SEMA3E: variants seen among roughly 807,000 people sequenced by gnomAD.
SEMA3E encodes semaphorin 3E.
SEMA3E carries 49 observed loss-of-function variants against 93.6 expected under a neutral mutation model. The ratio of observed to expected loss-of-function variants is 0.52; its 90% CI spans 0.42 to 0.66. The LOEUF is 0.66. Among genes scored for constraint, SEMA3E ranks in the 30% least tolerant of loss-of-function variants. The pLI, the probability that SEMA3E is intolerant of heterozygous loss-of-function variation, is 0.00. For missense variants in SEMA3E, 906 were observed against 964.8 expected (o/e 0.94, Z 0.81); for synonymous variants, 363 against 330.7 (o/e 1.10, Z -1.06).
At chr7:83,431,775 T>A (rs1357620879) in intron 4 of SEMA3E, among the ~76,000 whole-genome samples, 1 of 152,326 alleles carries the variant, frequency 6.6e-6, no homozygotes, top group African/African-American at 2.4e-5. Context: ...AATAACTATC[T>A]ATAATAAAGA....
intron 4 of SEMA3E, among the ~76,000 whole-genome samples, chr7:83,447,000 A>G (rs902992393): frequency 6.6e-6 from 1 of 152,146 alleles, no homozygotes; most frequent in African/African-American, 2.4e-5. Context: ...TTCACTATAT[A>G]CTATTTTGGA....
intron 2 of SEMA3E, among the ~76,000 whole-genome samples, chr7:83,481,394 C>T (rs529809312): frequency 2.6e-5 from 4 of 152,080 alleles, no homozygotes; most frequent in South Asian, 2.1e-4. Context: ...AACAAAAACA[C>T]GTTTTTTTTC....
chr7:83,503,324 A>G (rs917931281), intron 1 of SEMA3E, among the ~76,000 whole-genome samples: 1 of 152,228 alleles, frequency 6.6e-6, no homozygotes, highest in East Asian at 1.9e-4. Flanking sequence ...TTTATTTCCT[A>G]GGAAGTTTGT....
At chr7:83,547,747 A>G (rs577933419) in intron 1 of SEMA3E, among the ~76,000 whole-genome samples, 2 of 152,282 alleles carry the variant, frequency 1.3e-5, no homozygotes, top group African/African-American at 4.8e-5. Context: ...AAGCAAACAC[A>G]GGCCAAGGCA....
chr7:83,519,303 G>C (rs1198063118), intron 1 of SEMA3E, among the ~76,000 whole-genome samples: 2 of 152,038 alleles, frequency 1.3e-5, no homozygotes, highest in East Asian at 3.9e-4. Context: ...ACATGAACTT[G>C]TCTTGGAAAT....
At chr7:83,610,597 A>G (rs1793231843) in intron 1 of SEMA3E, among the ~76,000 whole-genome samples, 1 of 152,088 alleles carries the variant, frequency 6.6e-6, no homozygotes, top group African/African-American at 2.4e-5. Flanking sequence ...TTAGGGGCTA[A>G]TGTATGTCCC....
intron 5 of SEMA3E, among the ~76,000 whole-genome samples, chr7:83,412,992 TAA>T (rs927500905): frequency 3.9e-5 from 6 of 152,126 alleles, no homozygotes; most frequent in African/African-American, 9.7e-5. Context: ...ATATTGTGAT[TAA>T]AAGAGTGTGT....
chr7:83,561,846 CT>C (rs1335836330), intron 1 of SEMA3E, among the ~76,000 whole-genome samples: 2 of 152,054 alleles, frequency 1.3e-5, no homozygotes, highest in East Asian at 3.9e-4. Flanking sequence ...GAAAATCAGA[CT>C]TTTTAGCTTA....
intron 4 of SEMA3E, among the ~76,000 whole-genome samples, chr7:83,426,938 A>T (rs906316013): frequency 7.2e-5 from 11 of 152,058 alleles, no homozygotes; most frequent in African/African-American, 2.7e-4. Flanking sequence ...ATTAATCTAT[A>T]CTTTTATGAT....
intron 5 of SEMA3E, among the ~76,000 whole-genome samples, chr7:83,418,052 TA>T (rs750937325): frequency 6.6e-6 from 1 of 152,186 alleles, no homozygotes; most frequent in Non-Finnish European, 1.5e-5. Context: ...AATTAACACA[TA>T]TATTAAAATA....
At chr7:83,631,452 TA>T (rs1793783360) in intron 1 of SEMA3E, among the ~76,000 whole-genome samples, 1 of 151,208 alleles carries the variant, frequency 6.6e-6, no homozygotes, top group Non-Finnish European at 1.5e-5. Flanking sequence ...ATTTTAAATT[TA>T]AAAAGAAAAA....
At position 83,643,811 on chromosome 7, in the gene SEMA3E, C is replaced by G. The variant is rs996739381; in HGVS notation, c.115+4617G>C. The stretch of plus-strand genomic sequence containing the variant: ...CCACCACTTAATTCTCACTGTCTCT[C>G]CCTGAAGCTCTGGGCACATAGGCTA... On this transcript the variant is annotated intron_variant, in intron 1 of 16. Coordinates refer to ENST00000643230, the MANE Select transcript of SEMA3E (RefSeq NM_012431.3). Among the ~76,000 whole-genome samples, 9 of 152,094 alleles carry G rather than the reference C, an allele frequency of 5.9e-5. No individual in the cohort carries two copies. The South Asian group carries it at 1.0e-3, about 18-fold the overall frequency.
At chr7:83,433,922 G>A (rs1035927195) in intron 4 of SEMA3E, among the ~76,000 whole-genome samples, 1 of 151,854 alleles carries the variant, frequency 6.6e-6, no homozygotes, top group Non-Finnish European at 1.5e-5. Context: ...TCATTATTTT[G>A]GGAAAGAATA....
chr7:83,485,927 A>C, intron 2 of SEMA3E, among the ~76,000 whole-genome samples: 1 of 152,308 alleles, frequency 6.6e-6, no homozygotes. Flanking sequence ...AAAAGATACT[A>C]AAGAAATAAA....
intron 2 of SEMA3E, among the ~76,000 whole-genome samples, chr7:83,476,497 A>T (rs892979093): frequency 6.6e-6 from 1 of 152,178 alleles, no homozygotes; most frequent in African/African-American, 2.4e-5. Context: ...CAAAGGAATA[A>T]CAGAAATATA....
intron 11 of SEMA3E, among the ~76,000 whole-genome samples, chr7:83,397,526 C>G (rs1388468563): frequency 6.6e-6 from 1 of 151,948 alleles, no homozygotes; most frequent in Non-Finnish European, 1.5e-5. Flanking sequence ...GAAAAAAATC[C>G]AAGTATACAC....
At chr7:83,580,137 A>C (rs116164796) in intron 1 of SEMA3E, among the ~76,000 whole-genome samples, 39 of 152,226 alleles carry the variant, frequency 2.6e-4, no homozygotes, top group East Asian at 5.8e-4. Context: ...GAAGTCGATG[A>C]CATCTTAAAT....
intron 1 of SEMA3E, among the ~76,000 whole-genome samples, chr7:83,512,147 T>G (rs1233212931): frequency 6.6e-6 from 1 of 152,156 alleles, no homozygotes; most frequent in African/African-American, 2.4e-5. Flanking sequence ...ATGGTTTTAT[T>G]TCACTGAAAA....
At chr7:83,580,118 T>C (rs907907013) in intron 1 of SEMA3E, among the ~76,000 whole-genome samples, 3 of 152,084 alleles carry the variant, frequency 2.0e-5, no homozygotes, top group African/African-American at 7.2e-5. Context: ...TGAACTTTGA[T>C]AAGATAATGA....
Sources: allele counts gnomAD v4.1 joint callset (sites outside exome capture counted in the v4.1 genomes callset), GRCh38; gene constraint gnomAD v4.1.1; transcripts MANE v1.5; gene names NCBI Gene and HGNC (gene_info 2026-07-23, HGNC 2026-07-21).